Variants in HMBOX1 observed in about 807,000 individuals in gnomAD.
HMBOX1 encodes homeobox-containing protein 1.
Under a neutral mutation model 54.5 loss-of-function variants are expected in HMBOX1, and 14 were observed. That is an observed-to-expected ratio of 0.26 (90% CI 0.17 to 0.40). The LOEUF (loss-of-function observed/expected upper bound fraction) is 0.40. HMBOX1 is among the 10% of genes least tolerant of loss of function. The pLI is 1.00. For synonymous variants in HMBOX1, 160 were observed against 181.0 expected (o/e 0.88, Z 0.93); for missense variants, 332 against 514.4 (o/e 0.65, Z 3.43).
At chr8:29,039,339 G>C (rs1411134898) in intron 6 of HMBOX1, among the ~76,000 whole-genome samples, 1 of 152,124 alleles carries the variant, frequency 6.6e-6, no homozygotes, top group Non-Finnish European at 1.5e-5. Context: ...TTCGTTGGCA[G>C]CTCATTTTGG....
intron 1 of HMBOX1, among the ~76,000 whole-genome samples, chr8:28,894,645 A>G (rs1468610975): frequency 6.6e-6 from 1 of 152,096 alleles, no homozygotes; most frequent in Non-Finnish European, 1.5e-5. Context: ...CAGAGTAAAG[A>G]TTTTTCCATG....
chr8:29,044,947 C>T (rs1186337128), intron 6 of HMBOX1, among the ~76,000 whole-genome samples: 1 of 152,052 alleles, frequency 6.6e-6, no homozygotes, highest in East Asian at 1.9e-4. Flanking sequence ...CTATTGTTAC[C>T]AGTGCCTAAA....
At chr8:29,035,973 A>G (rs965633814) in intron 6 of HMBOX1, among the ~76,000 whole-genome samples, 3 of 152,236 alleles carry the variant, frequency 2.0e-5, no homozygotes, top group East Asian at 1.9e-4. Context: ...TTACATAGTA[A>G]TAAGACTCAC....
chr8:28,996,036 G>A (rs532902143), intron 4 of HMBOX1, among the ~76,000 whole-genome samples: 1 of 152,126 alleles, frequency 6.6e-6, no homozygotes, highest in African/African-American at 2.4e-5. Context: ...AACCCGGGAG[G>A]CAGAGCTTGC....
In HMBOX1 at chr8:29,051,632, C is replaced by T; in HGVS notation, c.*477C>T. 1 of 702,796 alleles carries T rather than the reference C, an allele frequency of 1.4e-6. No individual in the cohort carries two copies. The highest frequency in any genetic ancestry group is 1.7e-5 in the African/African-American group (1 of 57,342). 43.5% of individuals were successfully genotyped at this position (702,796 alleles called of 1,614,324 possible). On this transcript the variant is annotated 3_prime_UTR_variant, in exon 10 of 10. Transcript: ENST00000287701. ...GAGTATCCACAGAGTCAAAGGAACACTAGAATCCCCACCTCAGCGTGAGGA... is the reference window on the plus strand; with the variant it reads ...GAGTATCCACAGAGTCAAAGGAACATTAGAATCCCCACCTCAGCGTGAGGA...
chr8:28,957,498 A>G (rs1220623128), intron 1 of HMBOX1, among the ~76,000 whole-genome samples: 3 of 152,298 alleles, frequency 2.0e-5, no homozygotes, highest in African/African-American at 7.2e-5. Context: ...TTGTACCCCA[A>G]ATCTCAGCAT....
At chr8:28,960,811 G>T (rs1235893448) in intron 1 of HMBOX1, among the ~76,000 whole-genome samples, 1 of 99,216 alleles carries the variant, frequency 1.0e-5, no homozygotes, top group Admixed American at 1.5e-4. Flanking sequence ...TTTTGGAGAC[G>T]GAGTCTTGCT....
chr8:28,972,287 A>T (rs562602344), intron 3 of HMBOX1, among the ~76,000 whole-genome samples: 1 of 152,278 alleles, frequency 6.6e-6, no homozygotes, highest in East Asian at 1.9e-4. Context: ...ATCTCGGCTC[A>T]CTGCAACCTC....
intron 1 of HMBOX1, 79 bp from the exon 2 acceptor site, chr8:28,963,732 C>A: frequency 1.7e-6 from 1 of 585,488 alleles, no homozygotes; most frequent in Non-Finnish European, 3.0e-6. Flanking sequence ...TCTTGCTGTC[C>A]ATCAGTTACA....
intron 4 of HMBOX1, among the ~76,000 whole-genome samples, chr8:28,981,870 C>T (rs1447211457): frequency 1.3e-5 from 2 of 152,132 alleles, no homozygotes; most frequent in Non-Finnish European, 2.9e-5. Context: ...TATGTTTTCC[C>T]ATCTTGCTGT....
intron 4 of HMBOX1, among the ~76,000 whole-genome samples, chr8:29,003,046 ATAC>A (rs1189153882): frequency 6.6e-6 from 1 of 152,062 alleles, no homozygotes; most frequent in East Asian, 1.9e-4. Context: ...AAACATGCTT[ATAC>A]TACGGTTAGA....
chr8:28,932,520 C>T (rs534566627), intron 1 of HMBOX1, among the ~76,000 whole-genome samples: 6 of 152,024 alleles, frequency 3.9e-5, no homozygotes, highest in Admixed American at 1.3e-4. Flanking sequence ...TTTTTACTTT[C>T]GTGGTTTTAA....
At chr8:28,905,343 A>G (rs954810731) in intron 1 of HMBOX1, among the ~76,000 whole-genome samples, 3 of 152,150 alleles carry the variant, frequency 2.0e-5, no homozygotes, top group African/African-American at 4.8e-5. Flanking sequence ...GTGCATGCGC[A>G]CACACACGCA....
intron 4 of HMBOX1, among the ~76,000 whole-genome samples, chr8:28,999,025 A>G (rs879121491): frequency 2.0e-5 from 3 of 152,130 alleles, no homozygotes; most frequent in Admixed American, 2.0e-4. Flanking sequence ...ATAGACACAA[A>G]ATATTTAATT....
chr8:28,920,580 A>G (rs1055216308), intron 1 of HMBOX1, among the ~76,000 whole-genome samples: 6 of 152,190 alleles, frequency 3.9e-5, no homozygotes, highest in Non-Finnish European at 5.9e-5. Flanking sequence ...ATATTTCCTC[A>G]AAGAAATTAA....
Position 28,896,741 on chromosome 8 carries a change from G to A in HMBOX1, c.-58+6063G>A, listed in dbSNP as rs186304980. Among the ~76,000 whole-genome samples, 92 of 152,246 alleles carry A rather than the reference G, an allele frequency of 6.0e-4. No homozygotes were observed. In the East Asian group the frequency reaches 0.016, roughly 26 times the overall value. On this transcript the variant is annotated intron_variant, in intron 1 of 9. Coordinates refer to ENST00000287701, the MANE Select transcript of HMBOX1 (RefSeq NM_001135726.3). Reference sequence around the variant, plus strand: ...CAGGTTTGTAGCCTAGGAGCAATAGGCTATACCACCTAGGCTTGTGTAAGT... The same window carrying A: ...CAGGTTTGTAGCCTAGGAGCAATAGACTATACCACCTAGGCTTGTGTAAGT...
chr8:29,007,211 C>T (rs893618718), intron 4 of HMBOX1, among the ~76,000 whole-genome samples: 1 of 151,902 alleles, frequency 6.6e-6, no homozygotes, highest in Non-Finnish European at 1.5e-5. Flanking sequence ...ATCGCTTGAA[C>T]CCAGGAGGTG....
chr8:29,040,295 A>T (rs982621517), intron 6 of HMBOX1, among the ~76,000 whole-genome samples: 7 of 152,220 alleles, frequency 4.6e-5, no homozygotes, highest in African/African-American at 1.7e-4. Flanking sequence ...ACAATGCCTT[A>T]TGCATAGTCA....
chr8:29,016,260 A>G (rs896980017), intron 5 of HMBOX1, among the ~76,000 whole-genome samples: 2 of 152,234 alleles, frequency 1.3e-5, no homozygotes, highest in African/African-American at 4.8e-5. Flanking sequence ...CTCTGCACCC[A>G]TAAGAAGAAT....
Sources: allele counts gnomAD v4.1 joint callset (sites outside exome capture counted in the v4.1 genomes callset), GRCh38; gene constraint gnomAD v4.1.1; transcripts MANE v1.5; gene names NCBI Gene and HGNC (gene_info 2026-07-23, HGNC 2026-07-21).